DPP6: variants seen among roughly 807,000 people sequenced by gnomAD.
DPP6 encodes A-type potassium channel modulatory protein DPP6.
In DPP6, 69 loss-of-function variants were observed where a neutral mutation model predicts 122.6. The ratio of observed to expected loss-of-function variants is 0.56; its 90% confidence interval spans 0.46 to 0.69. The LOEUF (loss-of-function observed/expected upper bound fraction) is 0.69. Among genes scored for constraint, DPP6 ranks in the 30% least tolerant of loss-of-function variants. The pLI, the probability that DPP6 is intolerant of heterozygous loss-of-function variation, is 0.00. For synonymous variants in DPP6, 418 were observed against 433.1 expected (o/e 0.97, Z 0.43); for missense variants, 928 against 1,116.9 (o/e 0.83, Z 2.41).
At chr7:154,124,995 G>A (rs1322952048) in intron 1 of DPP6, among the ~76,000 whole-genome samples, 2 of 152,208 alleles carry the variant, frequency 1.3e-5, no homozygotes, top group African/African-American at 2.4e-5. Context: ...GGGCTGAGGT[G>A]TGTGTGTGTG....
intron 1 of DPP6, among the ~76,000 whole-genome samples, chr7:153,997,542 T>G (rs1797498754): frequency 6.6e-6 from 1 of 151,608 alleles, no homozygotes; most frequent in South Asian, 2.1e-4. Context: ...GCTTCCAGCT[T>G]GCTTCCCTAT....
chr7:154,560,003 A>G (rs1030013771), intron 4 of DPP6, among the ~76,000 whole-genome samples: 9 of 148,928 alleles, frequency 6.0e-5, no homozygotes, highest in African/African-American at 2.2e-4. Flanking sequence ...ATATATAAAG[A>G]TATATATTTT....
intron 2 of DPP6, among the ~76,000 whole-genome samples, chr7:154,455,555 G>A (rs1310640193): frequency 6.6e-6 from 1 of 152,180 alleles, no homozygotes; most frequent in Non-Finnish European, 1.5e-5. Context: ...AGGTTACATT[G>A]CTACTAACCC....
chr7:153,957,391 G>A (rs757725010), intron 1 of DPP6, among the ~76,000 whole-genome samples: 6 of 152,200 alleles, frequency 3.9e-5, no homozygotes, highest in African/African-American at 1.4e-4. Flanking sequence ...AGATGAGAGA[G>A]CATAGGCTTG....
intron 1 of DPP6, among the ~76,000 whole-genome samples, chr7:154,376,617 G>T (rs1813150606): frequency 6.6e-6 from 1 of 152,180 alleles, no homozygotes; most frequent in South Asian, 2.1e-4. Flanking sequence ...CTTAGATTCA[G>T]CTCTTTATAC....
chr7:153,972,497 A>G (rs1314926191), intron 1 of DPP6, among the ~76,000 whole-genome samples: 1 of 151,730 alleles, frequency 6.6e-6, no homozygotes, highest in Non-Finnish European at 1.5e-5. Context: ...TGAGATGCCT[A>G]CCAATATTGA....
chr7:154,377,036 TA>T (rs1813189753), intron 1 of DPP6, among the ~76,000 whole-genome samples: 1 of 152,076 alleles, frequency 6.6e-6, no homozygotes. Context: ...ATAATAATAA[TA>T]AAAAACCTAA....
chr7:153,760,768 G>C, the DPP6 span, among the ~76,000 whole-genome samples: 1 of 152,084 alleles, frequency 6.6e-6, no homozygotes, highest in Non-Finnish European at 1.5e-5. Context: ...ACTATTTTCT[G>C]TCCTGTGTGA....
intron 1 of DPP6, 62 bp downstream of exon 1, chr7:154,053,125 C>A: frequency 9.9e-7 from 1 of 1,005,402 alleles, no homozygotes; most frequent in Non-Finnish European, 1.2e-6. Context: ...CGCAGCGAGA[C>A]GCGTCGGCAG....
intron 8 of DPP6, among the ~76,000 whole-genome samples, chr7:154,735,952 C>A (rs1196748215): frequency 1.3e-5 from 2 of 152,356 alleles, no homozygotes; most frequent in East Asian, 3.9e-4. Flanking sequence ...TCCCACCAGA[C>A]CCTCCCCTGC....
intron 1 of DPP6, among the ~76,000 whole-genome samples, chr7:154,085,739 A>AT (rs748951038): frequency 1.3e-5 from 2 of 152,008 alleles, no homozygotes; most frequent in Non-Finnish European, 2.9e-5. Flanking sequence ...TTATTTATTT[A>AT]TTTTTTGAGA....
intron 10 of DPP6, among the ~76,000 whole-genome samples, chr7:154,789,061 G>T (rs763222134): frequency 6.6e-6 from 1 of 151,950 alleles, no homozygotes; most frequent in African/African-American, 2.4e-5. Flanking sequence ...TCACAGTTCC[G>T]CACCTCAGGA....
At chr7:154,250,218 T>C (rs532854824) in intron 1 of DPP6, among the ~76,000 whole-genome samples, 7 of 152,276 alleles carry the variant, frequency 4.6e-5, no homozygotes, top group Admixed American at 4.6e-4. Context: ...GACGTGAGTC[T>C]TGCTGATGCT....
chr7:154,155,611 G>T (rs1239908241), intron 1 of DPP6, among the ~76,000 whole-genome samples: 1 of 152,196 alleles, frequency 6.6e-6, no homozygotes, highest in Non-Finnish European at 1.5e-5. Context: ...GTAGCCTTGT[G>T]CCAGGAGAAC....
chr7:154,010,563 A>C (rs1432295270), intron 1 of DPP6, among the ~76,000 whole-genome samples: 3 of 152,262 alleles, frequency 2.0e-5, no homozygotes, highest in Admixed American at 1.3e-4. Context: ...CTACAAAATA[A>C]AACACAGGAT....
intron 1 of DPP6, among the ~76,000 whole-genome samples, chr7:154,039,398 G>C (rs1341755572): frequency 8.2e-6 from 1 of 122,434 alleles, no homozygotes; most frequent in Admixed American, 8.2e-5. Context: ...GTGCAGAAGT[G>C]ATCATCTGAG....
At chr7:154,101,783 C>A (rs1381211121) in intron 1 of DPP6, among the ~76,000 whole-genome samples, 1 of 151,510 alleles carries the variant, frequency 6.6e-6, no homozygotes, top group East Asian at 2.0e-4. Context: ...CAAAAATTAG[C>A]TGGGCACTGT....
At chr7:154,165,511 G>A (rs554214264) in intron 1 of DPP6, among the ~76,000 whole-genome samples, 3 of 151,008 alleles carry the variant, frequency 2.0e-5, no homozygotes, top group East Asian at 3.9e-4. Context: ...TAGTCCTTTG[G>A]GTATATACCT....
intron 1 of DPP6, among the ~76,000 whole-genome samples, chr7:153,897,987 T>C (rs914903984): frequency 6.6e-6 from 1 of 152,108 alleles, no homozygotes; most frequent in Non-Finnish European, 1.5e-5. Flanking sequence ...GAAAGAAAGA[T>C]AATACCAAGG....
Sources: allele counts gnomAD v4.1 joint callset (sites outside exome capture counted in the v4.1 genomes callset), GRCh38; gene constraint gnomAD v4.1.1; transcripts MANE v1.5; gene names NCBI Gene and HGNC (gene_info 2026-07-23, HGNC 2026-07-21).